Variants in TNNT1 observed in about 807,000 individuals in gnomAD.
The protein encoded by TNNT1 is troponin T1, slow skeletal type.
TNNT1 carries 53 observed loss-of-function variants against 50.6 expected under a neutral mutation model. The ratio of observed to expected loss-of-function variants is 1.05; its 90% CI spans 0.84 to 1.32. The LOEUF (loss-of-function observed/expected upper bound fraction) is 1.32. Ranked by LOEUF, TNNT1 falls within the 40% of genes most tolerant of loss-of-function variation. The pLI, the probability that TNNT1 is intolerant of heterozygous loss-of-function variation, is 0.00. For missense variants in TNNT1, 348 were observed against 381.7 expected, an observed-to-expected ratio of 0.91 and a Z score of 0.74; for synonymous variants, 142 against 138.0, an observed-to-expected ratio of 1.03 and a Z score of -0.20.
At chr19:55,146,031 A>C (rs1396031163) in intron 5 of TNNT1, among the ~76,000 whole-genome samples, 3 of 120,702 alleles carry the variant, frequency 2.5e-5, no homozygotes, top group Non-Finnish European at 5.1e-5. Context: ...CCTGACTCCC[A>C]GCGCTCGCCT....
chr19:55,147,305 G>GGGGGCCTGGACTCCT (rs2085580452), intron 1 of TNNT1, 137 bp from the exon 2 acceptor site: 1 of 779,786 alleles, frequency 1.3e-6, no homozygotes, highest in Non-Finnish European at 2.1e-6. Context: ...AGGAGGAGCT[G>GGGGGCCTGGACTCCT]GGGTCTGGAC....
intron 9 of TNNT1, 81 bp downstream of exon 9, chr19:55,140,802 A>AATC (rs2147253546): frequency 1.2e-6 from 1 of 851,300 alleles, no homozygotes; most frequent in Non-Finnish European, 1.6e-6. Flanking sequence ...TAGTAATAAT[A>AATC]ATAATAATAA....
rs750171800 is a variant in TNNT1 at position 55,134,049 on chromosome 19, G to A, written c.750+17C>T. On this transcript the variant is annotated intron_variant, in intron 12 of 13. Transcript: ENST00000588981. ...CCCTGCCCTCTCTCCCTCCCTCCCT[G>A]CGGAGCTGGGTCTCACCTCATATTT... The A allele has an allele frequency of 4.3e-6, 7 of 1,612,686 alleles. No individual in the cohort carries two copies. The South Asian group carries it at 7.7e-5, about 18-fold the overall frequency.
In TNNT1 at chr19:55,132,908, G is replaced by A. The variant is rs367699691; in HGVS notation, c.*7C>T. 1.1e-5 allele frequency: 18 copies of A among 1,600,528 alleles called. 1 individual carries two copies. The East Asian group carries it at 1.3e-4, about 12-fold the overall frequency. On this transcript the variant is annotated 3_prime_UTR_variant, in exon 14 of 14. Coordinates refer to ENST00000588981, the MANE Select transcript of TNNT1 (RefSeq NM_003283.6). Reference sequence around the variant, plus strand: ...CTTCCCAGGTGCCACTGTCCGGGGCGGCATCCTCACTTCCAGCGGCCTCCA... The same window carrying A: ...CTTCCCAGGTGCCACTGTCCGGGGCAGCATCCTCACTTCCAGCGGCCTCCA...
chr19:55,138,212 C>T (rs1289884143), intron 9 of TNNT1, 138 bp from the exon 10 acceptor site: 13 of 1,480,632 alleles, frequency 8.8e-6, no homozygotes, highest in East Asian at 2.4e-5. Flanking sequence ...CCAGCAGAAA[C>T]GCAGGGGTAC....
At chr19:55,141,977 C>T (rs1336935283) in intron 6 of TNNT1, 57 bp from the exon 7 acceptor site, 1 of 1,575,806 alleles carries the variant, frequency 6.3e-7, no homozygotes, top group South Asian at 1.1e-5. Flanking sequence ...AGCCACCTCC[C>T]ACCTCCGGGA....
At position 55,141,908 on chromosome 19, in the gene TNNT1, C is replaced by A; in HGVS notation, c.141G>T (p.Val47=). ...GGATCTTTGGCGGGATCAAAGGAGG[C>A]ACCACGGGGCGGCTGAGTGGACAGA... is the stretch of plus-strand genomic sequence containing the variant. The part of the protein sequence containing the change: ...EERPKPSRPV[V]PPLIPPKIPE... Residue 47 remains valine (V), a synonymous_variant, in exon 7 of 14, where the codon GTG becomes GTT. Coordinates refer to ENST00000588981, the MANE Select transcript of TNNT1 (RefSeq NM_003283.6). The A allele has an allele frequency of 6.2e-7, 1 of 1,614,066 alleles. No homozygotes were observed. Among genetic ancestry groups the A allele is most frequent in the Non-Finnish European group, 8.5e-7 (1 of 1,179,968 alleles).
intron 6 of TNNT1, among the ~76,000 whole-genome samples, chr19:55,142,289 T>G (rs2085472739): frequency 6.7e-6 from 1 of 149,434 alleles, no homozygotes; most frequent in African/African-American, 2.5e-5. Context: ...CCTGGCTAAT[T>G]TTTCTGTATT....
chr19:55,147,754 G>T lies in TNNT1; in HGVS notation c.-11-586C>A, dbSNP rs935162145. 6.0e-5 allele frequency among the ~76,000 whole-genome samples: 9 copies of T among 149,792 alleles called. 1 individual carries two copies. The highest frequency in any genetic ancestry group is 5.9e-4 in the East Asian group (3 of 5,060). ...TGGGTCTGAGGGAGGAGGGGCCGCG[G>T]GCCTGGACGCCTGGGTCTGAGGGAG... On this transcript the variant is annotated intron_variant, in intron 1 of 13. Coordinates refer to ENST00000588981, the MANE Select transcript of TNNT1 (RefSeq NM_003283.6).
At chr19:55,142,366 C>A (rs2085474976) in intron 6 of TNNT1, among the ~76,000 whole-genome samples, 1 of 151,192 alleles carries the variant, frequency 6.6e-6, no homozygotes, top group Non-Finnish European at 1.5e-5. Flanking sequence ...CGTGATCCGC[C>A]CGCCTCGGCC....
At chr19:55,142,624 A>C (rs917440835) in intron 6 of TNNT1, among the ~76,000 whole-genome samples, 33 of 149,554 alleles carry the variant, frequency 2.2e-4, no homozygotes, top group Non-Finnish European at 2.7e-4. Flanking sequence ...TGCTCACCAC[A>C]ACAACCTCCA....
Position 55,132,917 on chromosome 19 carries a change from A to C in TNNT1, c.835T>G (p.Ter279GlyextTer21). The C allele has an allele frequency of 6.2e-7, 1 of 1,602,650 alleles. No homozygotes were observed. ...TGCCACTGTCCGGGGCGGCATCCTC[A>C]CTTCCAGCGGCCTCCAACGCGGCCC... ...GKGRVGGRWK* is the reference protein window; with the variant it reads ...GKGRVGGRWKG The change falls in exon 14 of 14, where the codon TGA (stop) becomes GGA (glycine). Residue 279 changes from the stop codon to glycine (G), a stop_lost. Coordinates refer to ENST00000588981, the MANE Select transcript of TNNT1 (RefSeq NM_003283.6).
At position 55,141,162 on chromosome 19, in the gene TNNT1, G is replaced by C; in HGVS notation, c.309+24C>G. On this transcript the variant is annotated intron_variant, in intron 8 of 13. Coordinates refer to ENST00000588981, the MANE Select transcript of TNNT1 (RefSeq NM_003283.6). ...ATCCACATGGAGGGAGGAAGACCGG[G>C]GGGAACCCGGACTCTCGGCTCACAA... 1.9e-6 allele frequency: 3 copies of C among 1,598,700 alleles called. No homozygotes were observed. In the South Asian group the frequency reaches 3.3e-5, roughly 18 times the overall value.
At chr19:55,140,296 C>CAAAAAATA (rs902221359) in intron 9 of TNNT1, among the ~76,000 whole-genome samples, 2 of 151,274 alleles carry the variant, frequency 1.3e-5, no homozygotes. Flanking sequence ...GCTGTCTCTA[C>CAAAAAATA]AAAAAATAAA....
chr19:55,141,506 T>C (rs2085454440), intron 7 of TNNT1, among the ~76,000 whole-genome samples: 2 of 136,444 alleles, frequency 1.5e-5, no homozygotes, highest in South Asian at 2.2e-4. Context: ...GACCGGCGCC[T>C]TTTTTTTTTT....
chr19:55,147,087 A>T, intron 2 of TNNT1, 39 bp downstream of exon 2: 1 of 1,613,400 alleles, frequency 6.2e-7, no homozygotes, highest in Non-Finnish European at 8.5e-7. Flanking sequence ...GAGCCTCTCC[A>T]CCACTGCACG....
intron 9 of TNNT1, among the ~76,000 whole-genome samples, chr19:55,139,614 C>T (rs2085414413): frequency 6.6e-6 from 1 of 152,062 alleles, no homozygotes; most frequent in Non-Finnish European, 1.5e-5. Context: ...TTGCCCTTCC[C>T]CACAGGTAAT....
Position 55,134,101 on chromosome 19 carries a change from C to G in TNNT1, c.715G>C (p.Asp239His), listed in dbSNP as rs772697927. ...TGCTGTTTCAGCTTCGCCATCAGGT[C>G]GAACTTCTCAGACTCCAGCTGGTGG... ...WIHQLESEKF[D>H]LMAKLKQQKY... Residue 239 changes from aspartate to histidine, a missense_variant, in exon 12 of 14, where the codon GAC becomes CAC. Asp to His is a moderately conservative substitution (Grantham distance 81, BLOSUM62 -1). Around this residue, in one of 3 missense-constraint regions of TNNT1, gnomAD observed 253 missense variants for 291.8 expected, o/e 0.87. Transcript: ENST00000588981. The G allele has an allele frequency of 2.5e-6, 4 of 1,612,758 alleles. No homozygotes were observed. In the East Asian group the frequency reaches 8.9e-5, roughly 36 times the overall value.
At chr19:55,141,771 C>T (rs754243810) in intron 7 of TNNT1, 86 bp downstream of exon 7, 25 of 1,521,378 alleles carry the variant, frequency 1.6e-5, no homozygotes, top group South Asian at 2.2e-5. Context: ...TGAGGCCCCG[C>T]GCCCGGCCGG....
Sources: allele counts gnomAD v4.1 joint callset (sites outside exome capture counted in the v4.1 genomes callset), GRCh38; gene constraint gnomAD v4.1.1; regional missense constraint gnomAD v4.1.1; transcripts MANE v1.5; gene names NCBI Gene and HGNC (gene_info 2026-07-23, HGNC 2026-07-21).